Variants in FRAS1 observed in about 807,000 individuals in gnomAD.
FRAS1 encodes the protein Fraser extracellular matrix complex subunit 1, also known as extracellular matrix organizing protein FRAS1.
A neutral mutation model predicts 435.2 loss-of-function variants in FRAS1; 290 were observed. The observed-to-expected ratio is 0.67, with a 90% CI of 0.61 to 0.73. The LOEUF is 0.73. Among genes scored for constraint, FRAS1 ranks in the 30% least tolerant of loss-of-function variants. The pLI, the probability that FRAS1 is intolerant of heterozygous loss-of-function variation, is 0.00. For synonymous variants in FRAS1, 1,800 were observed against 1,851.0 expected (o/e 0.97, Z 0.71); for missense variants, 4,860 against 5,001.5 (o/e 0.97, Z 0.85).
At chr4:78,082,766 T>A (rs1740953680) in intron 2 of FRAS1, among the ~76,000 whole-genome samples, 1 of 141,886 alleles carries the variant, frequency 7.0e-6, no homozygotes, top group Non-Finnish European at 1.6e-5. Context: ...TAATTGATCC[T>A]TAAAAATTAT....
chr4:78,081,445 C>G lies in FRAS1; in HGVS notation c.108+15429C>G, dbSNP rs151159864. 6.0e-3 allele frequency among the ~76,000 whole-genome samples: 920 copies of G among 152,200 alleles called. 6 individuals carry two copies. Among genetic ancestry groups the G allele is most frequent in the Middle Eastern group, 0.051 (15 of 292 alleles). On this transcript the variant is annotated intron_variant, in intron 2 of 73. Transcript: ENST00000512123. ...TGCTGGTATAGATTTTGTAGCAAGA[C>G]TGTGATGCCCAAAGAAAGCAATGAT...
At position 78,301,908 on chromosome 4, in the gene FRAS1, G is replaced by A. The variant is rs1192628021; in HGVS notation, c.1535-6158G>A. Among the ~76,000 whole-genome samples, 4 of 140,880 alleles carry A rather than the reference G, an allele frequency of 2.8e-5. No homozygotes were observed. In the Admixed American group the frequency reaches 2.9e-4, roughly 10 times the overall value. The allele number at this position is 140,880 out of a possible 152,430, so 92.4% of individuals were successfully genotyped here. A position where few individuals can be genotyped will look rare whatever the true frequency, so the allele number is the denominator to read the frequency against. On this transcript the variant is annotated intron_variant, in intron 14 of 73. Transcript: ENST00000512123. ...TAGGGTACATGTGCACAATGTGCTG[G>A]TTAGTTACATACGTATACATGTGCA...
At chr4:78,347,157 A>G (rs1730637202) in intron 20 of FRAS1, among the ~76,000 whole-genome samples, 1 of 152,054 alleles carries the variant, frequency 6.6e-6, no homozygotes, top group Admixed American at 6.6e-5. Context: ...TTGTCCACCC[A>G]CTACTGATTT....
At chr4:78,220,112 G>A (rs1174182986) in intron 2 of FRAS1, among the ~76,000 whole-genome samples, 4 of 152,140 alleles carry the variant, frequency 2.6e-5, no homozygotes, top group Non-Finnish European at 2.9e-5. Context: ...TCTCCAAATT[G>A]ACCAGAATCT....
At chr4:78,365,411 G>A (rs1040497622) in intron 22 of FRAS1, among the ~76,000 whole-genome samples, 1 of 152,194 alleles carries the variant, frequency 6.6e-6, no homozygotes, top group African/African-American at 2.4e-5. Flanking sequence ...GAGCAAGAGA[G>A]TGCTGGTGGA....
intron 2 of FRAS1, among the ~76,000 whole-genome samples, chr4:78,086,036 C>A (rs920048487): frequency 1.3e-5 from 2 of 152,134 alleles, no homozygotes; most frequent in African/African-American, 2.4e-5. Context: ...TAAAGCACTC[C>A]TCAGCAAATG....
chr4:78,357,393 C>T (rs1231882855), intron 20 of FRAS1, among the ~76,000 whole-genome samples: 1 of 152,202 alleles, frequency 6.6e-6, no homozygotes, highest in Admixed American at 6.5e-5. Context: ...AGGCAAGAAA[C>T]ATAGCCCAAG....
chr4:78,517,102 T>C (rs942914002), intron 66 of FRAS1, among the ~76,000 whole-genome samples: 1 of 152,252 alleles, frequency 6.6e-6, no homozygotes, highest in Non-Finnish European at 1.5e-5. Flanking sequence ...TTGTTCTTCA[T>C]TTCAAATCAG....
At chr4:78,388,332 A>G (rs77069673) in intron 29 of FRAS1, among the ~76,000 whole-genome samples, 1 of 89,982 alleles carries the variant, frequency 1.1e-5, no homozygotes, top group Non-Finnish European at 2.1e-5. Flanking sequence ...CTCAAAAACC[A>G]AAAAAAAAAA....
At chr4:78,178,075 C>T (rs1721848120) in intron 2 of FRAS1, among the ~76,000 whole-genome samples, 1 of 152,206 alleles carries the variant, frequency 6.6e-6, no homozygotes, top group African/African-American at 2.4e-5. Context: ...ATTCCTTCCT[C>T]GCCTCTTCCA....
At chr4:78,322,869 C>T (rs751416397) in intron 18 of FRAS1, among the ~76,000 whole-genome samples, 13 of 152,048 alleles carry the variant, frequency 8.5e-5, no homozygotes, top group East Asian at 5.8e-4. Context: ...TACTAGCAAA[C>T]GAGTCAAATG....
intron 27 of FRAS1, among the ~76,000 whole-genome samples, chr4:78,383,126 T>C (rs1732084470): frequency 6.6e-6 from 1 of 152,198 alleles, no homozygotes; most frequent in African/African-American, 2.4e-5. Flanking sequence ...AGTCTTACCT[T>C]CCCTCCTAGC....
At chr4:78,494,854 A>T (rs1399954587) in intron 59 of FRAS1, among the ~76,000 whole-genome samples, 1 of 152,154 alleles carries the variant, frequency 6.6e-6, no homozygotes, top group Non-Finnish European at 1.5e-5. Context: ...ATTTTGTTGG[A>T]TATACAATCA....
intron 70 of FRAS1, among the ~76,000 whole-genome samples, chr4:78,529,603 C>T (rs1301891675): frequency 1.3e-5 from 2 of 152,120 alleles, no homozygotes; most frequent in Non-Finnish European, 2.9e-5. Flanking sequence ...ACAGTAGTCC[C>T]CCCTTATCCT....
chr4:78,509,154 A>G, intron 63 of FRAS1, 148 bp downstream of exon 63: 4 of 872,732 alleles, frequency 4.6e-6, no homozygotes, highest in Non-Finnish European at 6.8e-6. Context: ...TTACTCTTAT[A>G]CATAAGAAAA....
intron 69 of FRAS1, among the ~76,000 whole-genome samples, chr4:78,523,499 A>C (rs1721450151): frequency 6.6e-6 from 1 of 152,192 alleles, no homozygotes; most frequent in Non-Finnish European, 1.5e-5. Context: ...GGAAAAAAAA[A>C]TTAAAACCAC....
intron 2 of FRAS1, among the ~76,000 whole-genome samples, chr4:78,173,110 T>TGTC (rs1721626990): frequency 6.6e-6 from 1 of 152,222 alleles, no homozygotes; most frequent in Non-Finnish European, 1.5e-5. Context: ...TCTGACTTTG[T>TGTC]GTCTCCATGC....
At chr4:78,072,231 T>C (rs773529834) in intron 2 of FRAS1, 2 of 152,138 alleles carry the variant, frequency 1.3e-5, no homozygotes, top group Non-Finnish European at 2.9e-5. Context: ...GTAGACCTTG[T>C]ATATTAGGGC....
chr4:78,069,006 C>A (rs905241683), intron 2 of FRAS1, among the ~76,000 whole-genome samples: 22 of 152,194 alleles, frequency 1.4e-4, no homozygotes, highest in African/African-American at 4.8e-4. Context: ...AAGAACATTA[C>A]TATATGATTC....
Sources: gnomAD v4.1 joint callset for allele counts (sites outside exome capture counted in the v4.1 genomes callset) on GRCh38, gnomAD v4.1.1 for gene constraint, MANE v1.5 for transcripts, NCBI Gene and HGNC (gene_info 2026-07-23, HGNC 2026-07-21) for gene names.